The following AQP4 variants were observed in gnomAD, a reference collection of about 807,000 sequenced individuals.
AQP4 encodes aquaporin-4.
Under a neutral mutation model 27.8 loss-of-function variants are expected in AQP4, and 18 were observed. That is an observed-to-expected ratio of 0.65 (90% confidence interval 0.45 to 0.96). The LOEUF is 0.96. AQP4 is among the 40% of genes least tolerant of loss of function. The probability of loss-of-function intolerance (pLI) is 0.00; values close to 1 mark genes in which losing one functional copy is unlikely to be tolerated. For missense variants in AQP4, 412 were observed against 408.2 expected, an observed-to-expected ratio of 1.01 and a Z score of -0.08; for synonymous variants, 141 against 142.9, an observed-to-expected ratio of 0.99 and a Z score of 0.10.
chr18:26,862,647 A>G, intron 1 of AQP4, 51 bp from the exon 2 acceptor site: 1 of 1,613,018 alleles, frequency 6.2e-7, no homozygotes, highest in East Asian at 2.2e-5. Context: ...CAGGTTTATG[A>G]ATTTAGGTGA....
In AQP4 at chr18:26,865,665, G is replaced by A. The variant is rs772226682; in HGVS notation, c.25C>T (p.Arg9Trp). MSDRPTAR[R>W]WGKCGPLCTR... The stretch of plus-strand genomic sequence containing the variant: ...AGGCAAAGAAGGACTTACCCCCACC[G>A]CCTTGCTGTGGGTCTGTCACTCATG... The change falls in exon 1 of 5, where the codon CGG becomes TGG. Residue 9 changes from arginine to tryptophan, a missense_variant. Transcript: ENST00000383168. 48 of 1,613,996 alleles carry A rather than the reference G, an allele frequency of 3.0e-5. 1 individual carries two copies. Among genetic ancestry groups the A allele is most frequent in the Middle Eastern group, 3.3e-4 (2 of 6,084 alleles).
At chr18:26,858,664 A>C (rs2054886072) in intron 4 of AQP4, among the ~76,000 whole-genome samples, 2 of 152,216 alleles carry the variant, frequency 1.3e-5, no homozygotes, top group Admixed American at 1.3e-4. Flanking sequence ...GACATGTACT[A>C]TTCCACAGGC....
In AQP4 at chr18:26,852,175, T is replaced by G. The variant is rs2054761897; in HGVS notation, c.*4036A>C. Reference sequence around the variant, plus strand: ...CAAATATTAGACGTTACAGTTTAAATCTTTTTAACATTAGCTCTAATGTTG... The same window carrying G: ...CAAATATTAGACGTTACAGTTTAAAGCTTTTTAACATTAGCTCTAATGTTG... On this transcript the variant is annotated 3_prime_UTR_variant, in exon 5 of 5. Transcript: ENST00000383168. 2 of 152,220 alleles carry G rather than the reference T, an allele frequency of 1.3e-5. No individual in the cohort carries two copies. The highest frequency in any genetic ancestry group is 4.8e-5 in the African/African-American group (2 of 41,462). 9.4% of individuals were successfully genotyped at this position (152,220 alleles called of 1,614,324 possible).
At chr18:26,862,738 G>T in intron 1 of AQP4, 142 bp from the exon 2 acceptor site, 1 of 1,045,656 alleles carries the variant, frequency 9.6e-7, no homozygotes, top group Non-Finnish European at 1.5e-6. Context: ...GAATGCTTCT[G>T]CTAAAGCTCC....
At chr18:26,865,569 G>T in intron 1 of AQP4, 89 bp downstream of exon 1, 1 of 1,560,194 alleles carries the variant, frequency 6.4e-7, no homozygotes, top group Non-Finnish European at 8.8e-7. Flanking sequence ...TCCAGATTCT[G>T]CCTAAGAAGG....
chr18:26,861,191 A>G lies in AQP4; in HGVS notation c.552T>C (p.Asp184=), dbSNP rs61731038. 6.2e-6 allele frequency: 10 copies of G among 1,614,164 alleles called. No individual in the cohort carries two copies. In the Admixed American group the frequency reaches 1.7e-4, roughly 27 times the overall value. Residue 184 remains aspartate (D), a synonymous_variant, in exon 3 of 5, where the codon GAT becomes GAC. Coordinates refer to ENST00000383168, the MANE Select transcript of AQP4 (RefSeq NM_001650.7). ...TTGCTAAAGCTATTGAGCCAGTGAC[A>G]TCAGTCCGTTTGGAATCACAGCTGG... ...IFASCDSKRT[D]VTGSIALAIG...
chr18:26,864,918 C>G lies in AQP4; in HGVS notation c.32+740G>C, dbSNP rs574715776. Among the ~76,000 whole-genome samples the G allele has an allele frequency of 5.6e-4, 86 of 152,292 alleles. 1 individual carries two copies. The highest frequency in any genetic ancestry group is 2.0e-3 in the African/African-American group (84 of 41,566). On this transcript the variant is annotated intron_variant, in intron 1 of 4. Coordinates refer to ENST00000383168, the MANE Select transcript of AQP4 (RefSeq NM_001650.7). ...TCTCCCTGCTTGGCCTGTCATGCACCTGTTTACCTCTCCAGAGGTAGTTGC... is the reference window on the plus strand; with the variant it reads ...TCTCCCTGCTTGGCCTGTCATGCACGTGTTTACCTCTCCAGAGGTAGTTGC...
intron 1 of AQP4, among the ~76,000 whole-genome samples, chr18:26,864,679 G>T (rs970396306): frequency 1.3e-4 from 20 of 152,206 alleles, no homozygotes; most frequent in African/African-American, 4.6e-4. Context: ...CTGTAGCCGG[G>T]ATGGCAAAGG....
chr18:26,862,996 T>TGGA (rs1555661786), intron 1 of AQP4: 1 of 92,610 alleles, frequency 1.1e-5, no homozygotes, highest in African/African-American at 3.9e-5. Flanking sequence ...AAGGTGTGCG[T>TGGA]GGGGGGGGGG....
chr18:26,861,277 C>A lies in AQP4; in HGVS notation c.466G>T (p.Ala156Ser). 1.9e-6 allele frequency: 3 copies of A among 1,613,934 alleles called. No homozygotes were observed. Among genetic ancestry groups the A allele is most frequent in the Non-Finnish European group, 1.7e-6 (2 of 1,179,886 alleles). The change falls in exon 3 of 5, where the codon GCT becomes TCT. Residue 156 changes from alanine (A) to serine (S), a missense_variant. Transcript: ENST00000383168. ...GVTMVHGNLTAGHGLLVELII... is the reference protein window; with the variant it reads ...GVTMVHGNLTSGHGLLVELII... ...AACTCAACCAGGAGACCATGACCAG[C>A]GGTAAGATTTCCATGAACCTAGAGA...
intron 2 of AQP4, chr18:26,861,969 G>C: frequency 1.6e-6 from 1 of 625,584 alleles, no homozygotes; most frequent in Non-Finnish European, 2.7e-6. Context: ...CCTAGATTTT[G>C]TTATTTTTAA....
chr18:26,861,126 C>A lies in AQP4; in HGVS notation c.612+5G>T, dbSNP rs1241364623. ...TTGATTATTTAAATGGACTTGGAAA[C>A]TTACTGCAAATAAATGTCCAATTGC... On this transcript the variant is annotated splice_donor_5th_base_variant and intron_variant, in intron 3 of 4. Coordinates refer to ENST00000383168, the MANE Select transcript of AQP4 (RefSeq NM_001650.7). 6.2e-7 allele frequency: 1 copy of A among 1,613,896 alleles called. No individual in the cohort carries two copies. The highest frequency in any genetic ancestry group is 1.3e-5 in the African/African-American group (1 of 74,900).
At chr18:26,857,088 G>A (rs1287559557) in intron 4 of AQP4, among the ~76,000 whole-genome samples, 1 of 152,086 alleles carries the variant, frequency 6.6e-6, no homozygotes, top group African/African-American at 2.4e-5. Flanking sequence ...GGGGTAAAAG[G>A]ATTAAATGCA....
At chr18:26,864,000 G>C (rs1005663943) in intron 1 of AQP4, among the ~76,000 whole-genome samples, 7 of 152,218 alleles carry the variant, frequency 4.6e-5, no homozygotes, top group East Asian at 3.9e-4. Context: ...CTTTTGGGGG[G>C]GGGGGGCAAT....
At position 26,865,535 on chromosome 18, in the gene AQP4, C is replaced by T; in HGVS notation, c.32+123G>A. On this transcript the variant is annotated intron_variant, in intron 1 of 4. Coordinates refer to ENST00000383168, the MANE Select transcript of AQP4 (RefSeq NM_001650.7). ...GCCCAGTACTCAGATCTAAAAGAAC[C>T]ACCCACCTGCCCTATAGCTGCCTTC... 4.8e-6 allele frequency: 6 copies of T among 1,253,934 alleles called. No individual in the cohort carries two copies. In the South Asian group the frequency reaches 7.2e-5, roughly 15 times the overall value. 77.7% of individuals were successfully genotyped at this position (1,253,934 alleles called of 1,614,324 possible).
rs773241445 is a variant in AQP4, at chr18:26,854,800, G to A, written c.*1411C>T. ...GTGAAATTGACATTTGCACTTCTTT[G>A]TCTAAGTTAACGGCTAGACTAGACA... On this transcript the variant is annotated 3_prime_UTR_variant, in exon 5 of 5. Transcript: ENST00000383168. The A allele has an allele frequency of 1.6e-4, 25 of 152,214 alleles. No homozygotes were observed. The highest frequency in any genetic ancestry group is 3.1e-4 in the Non-Finnish European group (21 of 68,026). The allele number at this position is 152,214 out of a possible 1,614,324, so 9.4% of individuals were successfully genotyped here. A position where few individuals can be genotyped will look rare whatever the true frequency, so the allele number is the denominator to read the frequency against.
At chr18:26,857,787 C>T (rs370022915) in intron 4 of AQP4, among the ~76,000 whole-genome samples, 33 of 152,284 alleles carry the variant, frequency 2.2e-4, no homozygotes, top group Non-Finnish European at 3.1e-4. Context: ...GCACTGTCCC[C>T]GGGCCAGCCG....
chr18:26,862,688 G>A (rs952955971), intron 1 of AQP4, 92 bp from the exon 2 acceptor site: 6 of 1,563,130 alleles, frequency 3.8e-6, no homozygotes, highest in Non-Finnish European at 2.6e-6. Flanking sequence ...TTCGGGTACT[G>A]TGGGCAGGGG....
At chr18:26,860,527 C>A (rs1033265013) in intron 4 of AQP4, among the ~76,000 whole-genome samples, 4 of 151,914 alleles carry the variant, frequency 2.6e-5, no homozygotes, top group African/African-American at 7.3e-5. Flanking sequence ...AATAGTGCTT[C>A]AAAAAAGGAA....
Sources: gnomAD v4.1 joint callset for allele counts (sites outside exome capture counted in the v4.1 genomes callset) on GRCh38, gnomAD v4.1.1 for gene constraint, MANE v1.5 for transcripts, NCBI Gene and HGNC (gene_info 2026-07-23, HGNC 2026-07-21) for gene names.